PROKR2: variants seen among roughly 807,000 people sequenced by gnomAD.
PROKR2 encodes the protein prokineticin receptor 2.
Under a neutral mutation model 23.4 loss-of-function variants are expected in PROKR2, and 26 were observed. That is an observed-to-expected ratio of 1.11 (90% CI 0.81 to 1.54). PROKR2 has a LOEUF of 1.54. Among genes scored for constraint, PROKR2 ranks in the 40% most tolerant of loss-of-function variants. The probability of loss-of-function intolerance (pLI) is 0.00; values close to 1 mark genes in which losing one functional copy is unlikely to be tolerated. For missense variants in PROKR2, 453 were observed against 511.5 expected (o/e 0.89, Z 1.10); for synonymous variants, 212 against 201.2 (o/e 1.05, Z -0.45).
chr20:5,299,467 A>T lies in PROKR2; in HGVS notation c.*2573T>A, dbSNP rs1978912563. Among the ~76,000 whole-genome samples the T allele has an allele frequency of 6.6e-6, 1 of 151,654 alleles. No individual in the cohort carries two copies. Among genetic ancestry groups the T allele is most frequent in the African/African-American group, 2.4e-5 (1 of 41,376 alleles). On this transcript the variant is annotated 3_prime_UTR_variant, in exon 3 of 3. Coordinates refer to ENST00000678254, the MANE Select transcript of PROKR2 (RefSeq NM_144773.4). Reference sequence around the variant, plus strand: ...GGATAGAATAATAAATAAAAATACAATTATTATATTTATAGAAATGTACAT... The same window carrying T: ...GGATAGAATAATAAATAAAAATACATTTATTATATTTATAGAAATGTACAT...
In PROKR2 at chr20:5,302,337, C is replaced by G. The variant is rs375874356; in HGVS notation, c.858G>C (p.Leu286=). 4.3e-6 allele frequency: 7 copies of G among 1,614,132 alleles called. No homozygotes were observed. The highest frequency in any genetic ancestry group is 5.9e-6 in the Non-Finnish European group (7 of 1,180,064). ...VLMCILTAYV[L]CWAPFYGFTI... ...TGAAACCGTAGAAGGGTGCCCAGCACAGCACATAGGCCGTGAGAATGCACA... is the reference window on the plus strand; with the variant it reads ...TGAAACCGTAGAAGGGTGCCCAGCAGAGCACATAGGCCGTGAGAATGCACA... The change falls in exon 3 of 3, where the codon CTG becomes CTC. Residue 286 remains leucine (L), a synonymous_variant. Transcript: ENST00000678254.
chr20:5,304,365 T>C (rs1218529438), intron 2 of PROKR2, among the ~76,000 whole-genome samples: 1 of 152,194 alleles, frequency 6.6e-6, no homozygotes, highest in Admixed American at 6.5e-5. Flanking sequence ...AGGTTCTCCT[T>C]TTGTAGTGGG....
At chr20:5,303,882 G>A (rs1184468442) in intron 2 of PROKR2, among the ~76,000 whole-genome samples, 1 of 152,168 alleles carries the variant, frequency 6.6e-6, no homozygotes, top group Non-Finnish European at 1.5e-5. Flanking sequence ...CCATAAACTG[G>A]CGTCAGCGTA....
rs1211383452 is a variant in PROKR2, at chr20:5,308,385, CA to C, written c.458+5526del. On this transcript the variant is annotated intron_variant, in intron 2 of 2. Transcript: ENST00000678254. ...CTTAAAGGCGTTCTTAAACCACAAA[CA>C]ATAGCATGAGTGATCTGTGCCTTAA... Among the ~76,000 whole-genome samples, 4 of 152,350 alleles carry C rather than the reference CA, an allele frequency of 2.6e-5. No homozygotes were observed. The East Asian group carries it at 7.7e-4, about 29-fold the overall frequency.
In PROKR2 at chr20:5,313,391, TG is replaced by T. The variant is rs376953900; in HGVS notation, c.458+520del. ...ATCAGAAACAACAGCACATACGTTA[TG>T]TTTTTTTATGACATTAAAGAACAGG... On this transcript the variant is annotated intron_variant, in intron 2 of 2. Transcript: ENST00000678254. 2.4e-3 allele frequency among the ~76,000 whole-genome samples: 360 copies of T among 152,364 alleles called. 1 individual carries two copies. Among genetic ancestry groups the T allele is most frequent in the African/African-American group, 8.3e-3 (346 of 41,588 alleles).
At position 5,308,708 on chromosome 20, in the gene PROKR2, C is replaced by T. The variant is rs181266750; in HGVS notation, c.458+5204G>A. Among the ~76,000 whole-genome samples the T allele has an allele frequency of 3.5e-3, 536 of 152,266 alleles. 3 individuals carry two copies. Among genetic ancestry groups the T allele is most frequent in the African/African-American group, 0.012 (511 of 41,544 alleles). On this transcript the variant is annotated intron_variant, in intron 2 of 2. Coordinates refer to ENST00000678254, the MANE Select transcript of PROKR2 (RefSeq NM_144773.4). ...AGGGTCTCCCCGACCGAGCTGGTCT[C>T]AGCAGCTGCCTATAGAAAATTCTAT...
rs149396342 is a variant in PROKR2 at position 5,313,967 on chromosome 20, G to C, written c.403C>G (p.Arg135Gly). 3.0e-5 allele frequency: 49 copies of C among 1,614,220 alleles called. No homozygotes were observed. Among genetic ancestry groups the C allele is most frequent in the Non-Finnish European group, 4.0e-5 (47 of 1,180,038 alleles). Residue 135 changes from arginine to glycine, a missense_variant, in exon 2 of 3, where the codon CGC (arginine) becomes GGC (glycine). Physicochemically the swap from Arg to Gly is moderately radical, Grantham distance 125. Coordinates refer to ENST00000678254, the MANE Select transcript of PROKR2 (RefSeq NM_144773.4). ...HVLCASVNYL[R>G]TVSLYVSTNA... The stretch of plus-strand genomic sequence containing the variant: ...GTGGAGACGTAGAGGGAGACGGTGC[G>C]CAGGTAGTTGACGGAGGCACAGAGC...
At chr20:5,306,883 T>C (rs1416658472) in intron 2 of PROKR2, among the ~76,000 whole-genome samples, 1 of 152,194 alleles carries the variant, frequency 6.6e-6, no homozygotes, top group East Asian at 1.9e-4. Flanking sequence ...GAACAGCACC[T>C]ACAGAAACCA....
intron 2 of PROKR2, among the ~76,000 whole-genome samples, chr20:5,308,213 G>T: frequency 6.6e-6 from 1 of 150,772 alleles, no homozygotes; most frequent in Non-Finnish European, 1.5e-5. Flanking sequence ...TCAAAACCTG[G>T]CCATAAACTG....
Position 5,314,068 on chromosome 20 carries a change from A to G in PROKR2, c.302T>C (p.Leu101Pro), listed in dbSNP as rs772095377. The change falls in exon 2 of 3, where the codon CTG (leucine) becomes CCG (proline). Residue 101 changes from leucine to proline, a missense_variant. Coordinates refer to ENST00000678254, the MANE Select transcript of PROKR2 (RefSeq NM_144773.4). ...LIANLAISDFLVAIICCPFEM... is the reference protein window; with the variant it reads ...LIANLAISDFPVAIICCPFEM... ...GAAGGGGCAGCAGATGATGGCCACCAGGAAGTCGGAGATGGCCAGGTTGGC... is the reference window on the plus strand; with the variant it reads ...GAAGGGGCAGCAGATGATGGCCACCGGGAAGTCGGAGATGGCCAGGTTGGC... 2 of 1,614,236 alleles carry G rather than the reference A, an allele frequency of 1.2e-6. No homozygotes were observed. Among genetic ancestry groups the G allele is most frequent in the African/African-American group, 1.3e-5 (1 of 75,060 alleles).
In PROKR2 at chr20:5,316,710, C is replaced by T. The variant is rs932688001; in HGVS notation, c.-225G>A. Among the ~76,000 whole-genome samples the T allele has an allele frequency of 6.6e-6, 1 of 152,356 alleles. No individual in the cohort carries two copies. The highest frequency in any genetic ancestry group is 2.4e-5 in the African/African-American group (1 of 41,594). ...CTGGGTTCCAGCTGGAGTTGGCGCT[C>T]CGGCCCCACAGCTCTTTCCAGCGTC... On this transcript the variant is annotated 5_prime_UTR_variant, in exon 1 of 3. Transcript: ENST00000678254. The surrounding 1 kb of genome is among the most constrained non-coding windows in gnomAD (Gnocchi z 5.0).
rs1247119499 is a variant in PROKR2, at chr20:5,299,888, G to A, written c.*2152C>T. On this transcript the variant is annotated 3_prime_UTR_variant, in exon 3 of 3. Coordinates refer to ENST00000678254, the MANE Select transcript of PROKR2 (RefSeq NM_144773.4). ...GATCTGCCCATCTTGGCCTCCCGAA[G>A]TGCTGGGATTACAGATGTGAGCCAC... Among the ~76,000 whole-genome samples, 5 of 152,218 alleles carry A rather than the reference G, an allele frequency of 3.3e-5. No individual in the cohort carries two copies. The highest frequency in any genetic ancestry group is 6.5e-5 in the Admixed American group (1 of 15,288).
chr20:5,308,207 A>G (rs1979298036), intron 2 of PROKR2, among the ~76,000 whole-genome samples: 1 of 151,230 alleles, frequency 6.6e-6, no homozygotes, highest in Non-Finnish European at 1.5e-5. Context: ...CCCCCCTCAA[A>G]ACCTGGCCAT....
intron 2 of PROKR2, among the ~76,000 whole-genome samples, chr20:5,304,912 G>C (rs1306675223): frequency 1.3e-5 from 2 of 152,150 alleles, no homozygotes; most frequent in Admixed American, 6.5e-5. Context: ...TGGTATCGGA[G>C]GTAATCTGCA....
chr20:5,315,066 T>G (rs898229403), intron 1 of PROKR2, among the ~76,000 whole-genome samples: 1 of 152,158 alleles, frequency 6.6e-6, no homozygotes, highest in Non-Finnish European at 1.5e-5. Flanking sequence ...TGAGTCCTAA[T>G]CTTCCTGTAA....
In PROKR2 at chr20:5,301,595, C is replaced by CTA. The variant is rs1175014069; in HGVS notation, c.*443_*444dup. Among the ~76,000 whole-genome samples the CTA allele has an allele frequency of 1.3e-5, 2 of 152,216 alleles. No individual in the cohort carries two copies. Among genetic ancestry groups the CTA allele is most frequent in the Admixed American group, 6.5e-5 (1 of 15,278 alleles). The stretch of plus-strand genomic sequence containing the variant: ...TTAGGGAAGATGGAGGGTGAACTAT[C>CTA]TATATATCTGGAGATAGCTTGGAAA... On this transcript the variant is annotated 3_prime_UTR_variant, in exon 3 of 3. Transcript: ENST00000678254.
rs1393403529 is a variant in PROKR2, at chr20:5,314,054, AGAT to A, written c.313_315del (p.Ile105del). 1.2e-6 allele frequency: 2 copies of A among 1,614,232 alleles called. No individual in the cohort carries two copies. The highest frequency in any genetic ancestry group is 2.2e-5 in the East Asian group (1 of 44,878). On this transcript the variant is annotated inframe_deletion, in exon 2 of 3. Transcript: ENST00000678254. Reference sequence around the variant, plus strand: ...TAGTAGTCCATCTCGAAGGGGCAGCAGATGATGGCCACCAGGAAGTCGGAGATG... The same window carrying A: ...TAGTAGTCCATCTCGAAGGGGCAGCAGATGGCCACCAGGAAGTCGGAGATG...
chr20:5,315,361 A>G (rs1408997626), intron 1 of PROKR2, among the ~76,000 whole-genome samples: 2 of 152,152 alleles, frequency 1.3e-5, no homozygotes, highest in Non-Finnish European at 2.9e-5. Context: ...TCCTGTCACC[A>G]AGGTCTCAAA....
At chr20:5,315,599 C>T in intron 1 of PROKR2, 3 of 336,684 alleles carry the variant, frequency 8.9e-6, no homozygotes, top group South Asian at 6.9e-5. Context: ...CCCAGCTGAA[C>T]AATGCATTTG....
Sources: allele counts gnomAD v4.1 joint callset (sites outside exome capture counted in the v4.1 genomes callset), GRCh38; gene constraint gnomAD v4.1.1; non-coding constraint Gnocchi (gnomAD v3.1); transcripts MANE v1.5; gene names NCBI Gene and HGNC (gene_info 2026-07-23, HGNC 2026-07-21).